ADAM10: variants seen among roughly 807,000 people sequenced by gnomAD.
The protein encoded by ADAM10 is ADAM metallopeptidase domain 10.
A neutral mutation model predicts 90.1 loss-of-function variants in ADAM10; 17 were observed. The observed-to-expected ratio is 0.19, with a 90% CI of 0.13 to 0.28. The LOEUF (loss-of-function observed/expected upper bound fraction) is 0.28. Among genes scored for constraint, ADAM10 ranks in the 10% least tolerant of loss-of-function variants. ADAM10 has a pLI of 1.00. For missense variants in ADAM10, 610 were observed against 914.3 expected, an observed-to-expected ratio of 0.67 and a Z score of 4.29; for synonymous variants, 310 against 298.6, an observed-to-expected ratio of 1.04 and a Z score of -0.40.
In ADAM10 at chr15:58,727,193, TTTTTTTTTTTTTCC is replaced by T. The variant is rs1899062963; in HGVS notation, c.56-9480_56-9467del. Among the ~76,000 whole-genome samples the T allele has an allele frequency of 9.6e-5, 12 of 125,370 alleles. 2 individuals are homozygous for T. In the South Asian group the frequency reaches 3.5e-3, roughly 36 times the overall value. 82.2% of individuals were successfully genotyped at this position (125,370 alleles called of 152,430 possible). On this transcript the variant is annotated intron_variant, in intron 1 of 15. Transcript: ENST00000260408. ...TGACTAATCTTTTTTTTTTTTTTTT[TTTTTTTTTTTTTCC>T]CAAAAACAGCGTTTCGCTCGTTGCC...
chr15:58,688,523 C>T (rs1282579356), intron 2 of ADAM10, among the ~76,000 whole-genome samples: 1 of 151,074 alleles, frequency 6.6e-6, no homozygotes, highest in Non-Finnish European at 1.5e-5. Context: ...TTAGTCCCCC[C>T]CAAAAAAAGT....
chr15:58,678,639 G>A (rs1007056478), intron 4 of ADAM10, among the ~76,000 whole-genome samples: 3 of 152,018 alleles, frequency 2.0e-5, no homozygotes, highest in South Asian at 4.2e-4. Context: ...CATGATAAAC[G>A]TGGACTCTTG....
At chr15:58,654,044 C>T (rs1896751533) in intron 5 of ADAM10, among the ~76,000 whole-genome samples, 1 of 151,914 alleles carries the variant, frequency 6.6e-6, no homozygotes, top group African/African-American at 2.4e-5. Context: ...TCATCTATAC[C>T]ACTTGTGATG....
chr15:58,653,529 T>C (rs1896738785), intron 5 of ADAM10, among the ~76,000 whole-genome samples: 1 of 152,212 alleles, frequency 6.6e-6, no homozygotes, highest in Non-Finnish European at 1.5e-5. Flanking sequence ...CTGATTTGCA[T>C]ACGTTGAACC....
chr15:58,646,221 C>A lies in ADAM10; in HGVS notation c.586-17G>T. The stretch of plus-strand genomic sequence containing the variant: ...TTGAGGTATCTATACATCAAAAAGT[C>A]ATTTCTGACAATTAGTATGCTTCAA... On this transcript the variant is annotated splice_polypyrimidine_tract_variant and intron_variant, in intron 5 of 15. Coordinates refer to ENST00000260408, the MANE Select transcript of ADAM10 (RefSeq NM_001110.4). The A allele has an allele frequency of 1.9e-6, 3 of 1,608,404 alleles. No homozygotes were observed. The highest frequency in any genetic ancestry group is 4.5e-5 in the East Asian group (2 of 44,730).
intron 2 of ADAM10, among the ~76,000 whole-genome samples, chr15:58,710,405 A>G (rs764866881): frequency 2.0e-5 from 3 of 152,258 alleles, no homozygotes; most frequent in Non-Finnish European, 2.9e-5. Context: ...AGTCATACAA[A>G]AATAACATGA....
intron 11 of ADAM10, among the ~76,000 whole-genome samples, chr15:58,612,941 G>T (rs1275503636): frequency 2.0e-5 from 3 of 152,178 alleles, no homozygotes; most frequent in African/African-American, 7.2e-5. Flanking sequence ...CCTGAGCCTA[G>T]AACTCCAGCC....
At chr15:58,745,012 G>A (rs183160277) in intron 1 of ADAM10, among the ~76,000 whole-genome samples, 80 of 152,138 alleles carry the variant, frequency 5.3e-4, no homozygotes, top group African/African-American at 1.9e-3. Flanking sequence ...GTGAAACCCC[G>A]TCTCTAGTAA....
chr15:58,687,435 C>T (rs1596068282), intron 2 of ADAM10, among the ~76,000 whole-genome samples: 1 of 152,126 alleles, frequency 6.6e-6, no homozygotes, highest in Non-Finnish European at 1.5e-5. Flanking sequence ...AACATTACAA[C>T]CTAAAAGAAT....
chr15:58,655,712 TATA>T (rs1896802849), intron 5 of ADAM10, among the ~76,000 whole-genome samples: 1 of 22,708 alleles, frequency 4.4e-5, no homozygotes, highest in African/African-American at 2.7e-4. Context: ...ATATATATAG[TATA>T]TATATATATA....
intron 11 of ADAM10, among the ~76,000 whole-genome samples, chr15:58,619,135 G>A (rs1895704279): frequency 6.6e-6 from 1 of 152,088 alleles, no homozygotes; most frequent in African/African-American, 2.4e-5. Context: ...AGAAAAGGTG[G>A]TATATATTTG....
chr15:58,590,771 A>G lies in ADAM10; in HGVS notation c.*6776T>C, dbSNP rs930533912. 11 of 152,252 alleles carry G rather than the reference A, an allele frequency of 7.2e-5. No individual in the cohort carries two copies. The highest frequency in any genetic ancestry group is 2.7e-4 in the African/African-American group (11 of 41,466). 9.4% of individuals were successfully genotyped at this position (152,252 alleles called of 1,614,324 possible). The stretch of plus-strand genomic sequence containing the variant: ...GATAATAAAATATTCATTTAAAATA[A>G]AGAATAAAATTGCTTAATGTGTTCA... On this transcript the variant is annotated 3_prime_UTR_variant, in exon 16 of 16. Coordinates refer to ENST00000260408, the MANE Select transcript of ADAM10 (RefSeq NM_001110.4).
rs1455494332 is a variant in ADAM10 at position 58,591,565 on chromosome 15, A to G, written c.*5982T>C. 3.3e-5 allele frequency: 5 copies of G among 152,150 alleles called. No homozygotes were observed. The highest frequency in any genetic ancestry group is 1.2e-4 in the African/African-American group (5 of 41,410). 9.4% of individuals were successfully genotyped at this position (152,150 alleles called of 1,614,324 possible). On this transcript the variant is annotated 3_prime_UTR_variant, in exon 16 of 16. Coordinates refer to ENST00000260408, the MANE Select transcript of ADAM10 (RefSeq NM_001110.4). ...GGTATGAGCCATCACAACTGGCCAC[A>G]TTTTAAAACTTCTATGAAAAATTTC...
At chr15:58,666,967 C>T (rs1033380926) in intron 4 of ADAM10, among the ~76,000 whole-genome samples, 2 of 152,128 alleles carry the variant, frequency 1.3e-5, no homozygotes, top group African/African-American at 4.8e-5. Context: ...TCCTTGGACA[C>T]CACATTAACT....
intron 8 of ADAM10, among the ~76,000 whole-genome samples, chr15:58,640,061 G>C (rs1411968793): frequency 6.6e-6 from 1 of 151,936 alleles, no homozygotes; most frequent in Non-Finnish European, 1.5e-5. Context: ...TCTAAACTAG[G>C]CAACTGAACT....
intron 14 of ADAM10, among the ~76,000 whole-genome samples, chr15:58,603,122 T>C (rs1895161460): frequency 1.3e-5 from 2 of 152,228 alleles, no homozygotes; most frequent in Admixed American, 6.5e-5. Context: ...TTTTGTTTTC[T>C]ATAAAAATTG....
At chr15:58,687,782 T>C (rs1430830940) in intron 2 of ADAM10, among the ~76,000 whole-genome samples, 1 of 152,180 alleles carries the variant, frequency 6.6e-6, no homozygotes, top group Non-Finnish European at 1.5e-5. Context: ...AAAATTATGC[T>C]GAGTGGAAAA....
At chr15:58,744,517 A>G (rs1051166481) in intron 1 of ADAM10, among the ~76,000 whole-genome samples, 1 of 152,234 alleles carries the variant, frequency 6.6e-6, no homozygotes, top group African/African-American at 2.4e-5. Context: ...TCTAGAATAA[A>G]TTTAGAAAAA....
At chr15:58,636,058 C>T (rs1896241602) in intron 8 of ADAM10, among the ~76,000 whole-genome samples, 1 of 152,124 alleles carries the variant, frequency 6.6e-6, no homozygotes, top group African/African-American at 2.4e-5. Flanking sequence ...AGGCGGATCA[C>T]CTGAGATCAG....
Sources: gnomAD v4.1 joint callset for allele counts (sites outside exome capture counted in the v4.1 genomes callset) on GRCh38, gnomAD v4.1.1 for gene constraint, MANE v1.5 for transcripts, NCBI Gene and HGNC (gene_info 2026-07-23, HGNC 2026-07-21) for gene names.